The following LGSN variants were observed in gnomAD, a reference collection of about 807,000 sequenced individuals.
LGSN encodes the protein lengsin, lens protein with glutamine synthetase domain, also known as lengsin.
A neutral mutation model predicts 19.5 loss-of-function variants in LGSN; 21 were observed. The observed-to-expected ratio is 1.07, with a 90% confidence interval of 0.76 to 1.55. The LOEUF (loss-of-function observed/expected upper bound fraction) is 1.55. Among genes scored for constraint, LGSN ranks in the 40% most tolerant of loss-of-function variants. The probability of loss-of-function intolerance (pLI) is 0.00; values close to 1 mark genes in which losing one functional copy is unlikely to be tolerated. For synonymous variants in LGSN, 257 were observed against 215.6 expected (o/e 1.19, Z -1.68); for missense variants, 673 against 608.5 (o/e 1.11, Z -1.12).
the LGSN span, among the ~76,000 whole-genome samples, chr6:63,501,331 T>C: frequency 5.5e-5 from 8 of 145,784 alleles, no homozygotes; most frequent in Admixed American, 4.9e-4. Flanking sequence ...CATTGCACTC[T>C]AGCCTGGGCG....
the LGSN span, among the ~76,000 whole-genome samples, chr6:63,433,498 T>C: frequency 2.0e-5 from 3 of 152,362 alleles, no homozygotes; most frequent in Admixed American, 1.3e-4. Context: ...TATGATTGCA[T>C]GCTGCCTGTA....
rs1323752187 is a variant in LGSN, at chr6:63,285,770, T to A, written c.164-17A>T. On this transcript the variant is annotated splice_polypyrimidine_tract_variant and intron_variant, in intron 2 of 3. Coordinates refer to ENST00000370657, the MANE Select transcript of LGSN (RefSeq NM_016571.3). ...TCATGCAATCTGCAAAATAAAAAAA[T>A]AGGTTCTAACTCACGAGATCATGAT... 6.2e-7 allele frequency: 1 copy of A among 1,611,262 alleles called. No individual in the cohort carries two copies. Among genetic ancestry groups the A allele is most frequent in the Non-Finnish European group, 8.5e-7 (1 of 1,177,824 alleles).
chr6:63,390,118 C>CTTTTTTTTT, the LGSN span, among the ~76,000 whole-genome samples: 572 of 66,346 alleles, frequency 8.6e-3, 14 homozygotes, highest in African/African-American at 0.01. Flanking sequence ...TTCTTTCTTT[C>CTTTTTTTTT]TTTTTTTTTT....
At chr6:63,377,394 G>A in the LGSN span, among the ~76,000 whole-genome samples, 2 of 152,194 alleles carry the variant, frequency 1.3e-5, no homozygotes, top group African/African-American at 4.8e-5. Context: ...CTGCCATGCT[G>A]CCTCCCTCAC....
the LGSN span, among the ~76,000 whole-genome samples, chr6:63,526,813 A>ATATATATATATATATG: frequency 7.2e-6 from 1 of 139,448 alleles, no homozygotes; most frequent in African/African-American, 2.8e-5. Context: ...GTATATATAT[A>ATATATATATATATATG]TATATATATA....
At chr6:63,414,822 G>A in the LGSN span, among the ~76,000 whole-genome samples, 1 of 152,132 alleles carries the variant, frequency 6.6e-6, no homozygotes, top group African/African-American at 2.4e-5. Flanking sequence ...GGCTGAGGTG[G>A]AAGGATTGCT....
At chr6:63,426,091 T>C in the LGSN span, among the ~76,000 whole-genome samples, 1 of 152,242 alleles carries the variant, frequency 6.6e-6, no homozygotes, top group East Asian at 1.9e-4. Context: ...TCTCAGAAAC[T>C]TGACATGATA....
At chr6:63,314,721 G>A (rs1308946505) in intron 1 of LGSN, among the ~76,000 whole-genome samples, 1 of 152,152 alleles carries the variant, frequency 6.6e-6, no homozygotes, top group African/African-American at 2.4e-5. Flanking sequence ...GAAGTGTTCA[G>A]ATAGAGTAGG....
chr6:63,286,817 C>T (rs145957620), intron 2 of LGSN, among the ~76,000 whole-genome samples: 4 of 152,316 alleles, frequency 2.6e-5, no homozygotes, highest in Non-Finnish European at 4.4e-5. Flanking sequence ...CTTTTTATGA[C>T]TTGACTTTCT....
chr6:63,464,197 G>A, the LGSN span, among the ~76,000 whole-genome samples: 2 of 151,966 alleles, frequency 1.3e-5, no homozygotes, highest in East Asian at 3.9e-4. Flanking sequence ...AATCTTGGCT[G>A]TGTTCTTTAT....
At chr6:63,565,763 G>A in the LGSN span, among the ~76,000 whole-genome samples, 1 of 152,122 alleles carries the variant, frequency 6.6e-6, no homozygotes, top group Non-Finnish European at 1.5e-5. Flanking sequence ...ACAGAAATTA[G>A]GATGTAGCTC....
chr6:63,566,459 T>G, the LGSN span, among the ~76,000 whole-genome samples: 2 of 152,088 alleles, frequency 1.3e-5, no homozygotes, highest in Non-Finnish European at 2.9e-5. Context: ...TCAAGCTGGT[T>G]TGGGTTCAAG....
At chr6:63,483,404 C>A in the LGSN span, among the ~76,000 whole-genome samples, 1 of 151,200 alleles carries the variant, frequency 6.6e-6, no homozygotes, top group Admixed American at 6.6e-5. Context: ...TTCACTTTGC[C>A]ACCCAGGCTG....
the LGSN span, among the ~76,000 whole-genome samples, chr6:63,523,388 G>T: frequency 6.6e-6 from 1 of 152,040 alleles, no homozygotes; most frequent in Non-Finnish European, 1.5e-5. Flanking sequence ...ACAAAAATTA[G>T]CCAGGCATGA....
the LGSN span, among the ~76,000 whole-genome samples, chr6:63,479,449 T>G: frequency 2.0e-5 from 3 of 151,796 alleles, no homozygotes; most frequent in African/African-American, 7.3e-5. Flanking sequence ...AATCCTAAAA[T>G]GTACCCAAGG....
At chr6:63,289,023 C>T (rs1186065375) in intron 2 of LGSN, among the ~76,000 whole-genome samples, 1 of 152,194 alleles carries the variant, frequency 6.6e-6, no homozygotes, top group Non-Finnish European at 1.5e-5. Flanking sequence ...CAAATTGGCA[C>T]CTGCCACACT....
At chr6:63,514,555 C>T in the LGSN span, among the ~76,000 whole-genome samples, 8 of 152,116 alleles carry the variant, frequency 5.3e-5, no homozygotes, top group African/African-American at 1.9e-4. Flanking sequence ...TATATTTTTT[C>T]ATTTGGAAGT....
the LGSN span, among the ~76,000 whole-genome samples, chr6:63,346,420 G>A: frequency 3.9e-5 from 6 of 152,110 alleles, no homozygotes; most frequent in South Asian, 4.1e-4. Flanking sequence ...ACTGGACTGC[G>A]GAACACATGG....
chr6:63,415,919 C>T, the LGSN span, among the ~76,000 whole-genome samples: 7 of 152,226 alleles, frequency 4.6e-5, no homozygotes, highest in Middle Eastern at 3.4e-3. Context: ...CCATCAAATA[C>T]ATGGAGAATG....
Sources: allele counts gnomAD v4.1 joint callset (sites outside exome capture counted in the v4.1 genomes callset), GRCh38; gene constraint gnomAD v4.1.1; transcripts MANE v1.5; gene names NCBI Gene and HGNC (gene_info 2026-07-23, HGNC 2026-07-21).